DNM1: variants seen among roughly 807,000 people sequenced by gnomAD.
DNM1 encodes dynamin-1.
Under a neutral mutation model 104.6 loss-of-function variants are expected in DNM1, and 29 were observed. That is an observed-to-expected ratio of 0.28 (90% CI 0.21 to 0.38). The LOEUF is 0.38. DNM1 is among the 10% of genes least tolerant of loss of function. The pLI, the probability that DNM1 is intolerant of heterozygous loss-of-function variation, is 1.00. For synonymous variants in DNM1, 445 were observed against 475.8 expected (o/e 0.94, Z 0.84); for missense variants, 640 against 1,189.4 (o/e 0.54, Z 6.79).
chr9:128,214,370 T>G (rs760043077), intron 1 of DNM1, among the ~76,000 whole-genome samples: 70 of 152,282 alleles, frequency 4.6e-4, no homozygotes, highest in Non-Finnish European at 8.8e-4. Context: ...AGCTCCTACA[T>G]GACAGCTCAG....
At chr9:128,223,274 T>G in intron 9 of DNM1, 1 of 194,210 alleles carries the variant, frequency 5.1e-6, no homozygotes, top group Non-Finnish European at 1.1e-5. Context: ...CTCCACACCC[T>G]CCTGTATTCA....
chr9:128,254,542 C>G lies in DNM1; in HGVS notation c.2535-112C>G. 6.4e-7 allele frequency: 1 copy of G among 1,566,650 alleles called. No homozygotes were observed. Among genetic ancestry groups the G allele is most frequent in the Non-Finnish European group, 8.6e-7 (1 of 1,164,474 alleles). On this transcript the variant is annotated intron_variant, in intron 21 of 21. Transcript: ENST00000372923. The surrounding 1 kb of genome is among the most constrained non-coding windows in gnomAD (Gnocchi z 6.1). ...CACCTGCAGCCTCCCCTCCCCGGCC[C>G]TCCCACCACTGCTGCGGCGCGGCCG...
rs1251848857 is a variant in DNM1, at chr9:128,253,843, C to T, written c.2535-811C>T. On this transcript the variant is annotated intron_variant, in intron 21 of 21. Coordinates refer to ENST00000372923, the MANE Select transcript of DNM1 (RefSeq NM_004408.4). The surrounding 1 kb of genome is among the most constrained non-coding windows in gnomAD (Gnocchi z 5.9). The stretch of plus-strand genomic sequence containing the variant: ...GTGTCCCTGGCCCCAGCTGAAGCAC[C>T]GTAGCCAGCCAGCGGGCTCACGCAC... The T allele has an allele frequency of 1.0e-5, 11 of 1,090,796 alleles. No homozygotes were observed. Among genetic ancestry groups the T allele is most frequent in the South Asian group, 4.8e-5 (1 of 20,872 alleles). 67.6% of individuals were successfully genotyped at this position (1,090,796 alleles called of 1,614,324 possible). A position where few individuals can be genotyped will look rare whatever the true frequency, so the allele number is the denominator to read the frequency against.
At chr9:128,238,183 G>A (rs1836129412) in intron 11 of DNM1, among the ~76,000 whole-genome samples, 1 of 151,910 alleles carries the variant, frequency 6.6e-6, no homozygotes, top group Admixed American at 6.6e-5. Flanking sequence ...CAACACTTGT[G>A]TCATGCTGAT....
In DNM1 at chr9:128,220,742, C is replaced by CGCGCGCGCGCGTGTGTGTGT. The variant is rs61020870; in HGVS notation, c.849+402_849+403insCGCGCGCGCGTGTGTGTGTG. 2.2e-5 allele frequency among the ~76,000 whole-genome samples: 3 copies of CGCGCGCGCGCGTGTGTGTGT among 136,278 alleles called. No homozygotes were observed. Among genetic ancestry groups the CGCGCGCGCGCGTGTGTGTGT allele is most frequent in the African/African-American group, 8.0e-5 (3 of 37,720 alleles). 89.4% of individuals were successfully genotyped at this position (136,278 alleles called of 152,430 possible). The stretch of plus-strand genomic sequence containing the variant: ...CAGAACTGAAGTGCGCGCGCGCGCG[C>CGCGCGCGCGCGTGTGTGTGT]GTGTGTGTGTGTGTGTGTGTGTGTG... On this transcript the variant is annotated intron_variant, in intron 6 of 21. Transcript: ENST00000372923. This position sits in a 1 kb window ranked among gnomAD's most constrained non-coding sequence, Gnocchi z 5.2.
chr9:128,249,782 C>T (rs540387518), intron 19 of DNM1, among the ~76,000 whole-genome samples: 2 of 152,008 alleles, frequency 1.3e-5, no homozygotes, highest in South Asian at 4.2e-4. Context: ...GTGGTAATCT[C>T]CCCACTGTAC....
chr9:128,229,329 G>C (rs917424107), intron 10 of DNM1, among the ~76,000 whole-genome samples: 2 of 151,266 alleles, frequency 1.3e-5, no homozygotes, highest in Admixed American at 1.3e-4. Context: ...AAGGAGTTCA[G>C]TTGCACCACT....
intron 10 of DNM1, among the ~76,000 whole-genome samples, chr9:128,226,880 G>A (rs947337691): frequency 1.3e-5 from 2 of 152,106 alleles, no homozygotes; most frequent in African/African-American, 2.4e-5. Context: ...AGCTTCTCCA[G>A]CAGGCTAAAT....
In DNM1 at chr9:128,243,183, C is replaced by T. The variant is rs1836496541; in HGVS notation, c.1671+838C>T. Among the ~76,000 whole-genome samples the T allele has an allele frequency of 6.6e-6, 1 of 152,184 alleles. No individual in the cohort carries two copies. Among genetic ancestry groups the T allele is most frequent in the South Asian group, 2.1e-4 (1 of 4,830 alleles). On this transcript the variant is annotated intron_variant, in intron 15 of 21. Transcript: ENST00000372923. This position sits in a 1 kb window ranked among gnomAD's most constrained non-coding sequence, Gnocchi z 4.0. The stretch of plus-strand genomic sequence containing the variant: ...ACCCCTCCCCGCCCACTAGGGTGCA[C>T]AGAAGCCCCTGCCACCTCCTTCCCC...
Position 128,220,738 on chromosome 9 carries a change from C to T in DNM1, c.849+397C>T, listed in dbSNP as rs867755238. Among the ~76,000 whole-genome samples the T allele has an allele frequency of 4.5e-3, 432 of 96,398 alleles. 3 individuals carry two copies. The highest frequency in any genetic ancestry group is 0.025 in the African/African-American group (411 of 16,490). 63.2% of individuals were successfully genotyped at this position (96,398 alleles called of 152,430 possible). A position where few individuals can be genotyped will look rare whatever the true frequency, so the allele number is the denominator to read the frequency against. ...CATCCAGAACTGAAGTGCGCGCGCG[C>T]GCGCGTGTGTGTGTGTGTGTGTGTG... On this transcript the variant is annotated intron_variant, in intron 6 of 21. Coordinates refer to ENST00000372923, the MANE Select transcript of DNM1 (RefSeq NM_004408.4). This position sits in a 1 kb window ranked among gnomAD's most constrained non-coding sequence, Gnocchi z 5.2.
At chr9:128,219,397 G>T (rs1235216868) in intron 4 of DNM1, 145 bp downstream of exon 4, 5 of 741,322 alleles carry the variant, frequency 6.7e-6, no homozygotes, top group African/African-American at 1.8e-5. Context: ...GGTCAGGCAT[G>T]GTAGCTCATG....
chr9:128,206,954 T>TG (rs1024218938), intron 1 of DNM1, among the ~76,000 whole-genome samples: 1 of 150,630 alleles, frequency 6.6e-6, no homozygotes, highest in South Asian at 2.1e-4. Flanking sequence ...CAGGGGGTAG[T>TG]GGGGGGCCTG....
Position 128,222,585 on chromosome 9 carries a change from G to A in DNM1, c.1117G>A (p.Glu373Lys). 2 of 1,614,104 alleles carry A rather than the reference G, an allele frequency of 1.2e-6. No individual in the cohort carries two copies. Among genetic ancestry groups the A allele is most frequent in the Non-Finnish European group, 1.7e-6 (2 of 1,180,008 alleles). ...NRIFHERFPF[E>K]LVKMEFDEKE... The stretch of plus-strand genomic sequence containing the variant: ...AATCTTCCACGAGCGCTTCCCTTTC[G>A]AGCTGGTCAAGGTAGGTCAGGCAGC... The change falls in exon 8 of 22, where the codon GAG (glutamate) becomes AAG (lysine). Residue 373 changes from glutamate to lysine, a missense_variant. Physicochemically the swap from Glu to Lys is moderately conservative, Grantham distance 56. Transcript: ENST00000372923. The surrounding 1 kb of genome is among the most constrained non-coding windows in gnomAD (Gnocchi z 7.8).
At position 128,253,648 on chromosome 9, in the gene DNM1, A is replaced by T. The variant is rs1829666674; in HGVS notation, c.2535-1006A>T. 1 of 212,628 alleles carries T rather than the reference A, an allele frequency of 4.7e-6. No individual in the cohort carries two copies. 13.2% of individuals were successfully genotyped at this position (212,628 alleles called of 1,614,324 possible). On this transcript the variant is annotated intron_variant, in intron 21 of 21. Transcript: ENST00000372923. This position sits in a 1 kb window ranked among gnomAD's most constrained non-coding sequence, Gnocchi z 5.9. ...CCACCGTAGAGCAGGGGTGAGAGTC[A>T]GGGTCCCACCTCCTCTATCTGCCGG...
rs965505399 is a variant in DNM1 at position 128,220,859 on chromosome 9, G to A, written c.849+518G>A. Among the ~76,000 whole-genome samples, 3 of 148,486 alleles carry A rather than the reference G, an allele frequency of 2.0e-5. No homozygotes were observed. Among genetic ancestry groups the A allele is most frequent in the Non-Finnish European group, 3.0e-5 (2 of 66,468 alleles). On this transcript the variant is annotated intron_variant, in intron 6 of 21. Transcript: ENST00000372923. The surrounding 1 kb of genome is among the most constrained non-coding windows in gnomAD (Gnocchi z 5.2). ...TGAGACACTCTCTCTGGCTCTCTGAGCCTCTATTTCTTTTTTCTTTATTTG... is the reference window on the plus strand; with the variant it reads ...TGAGACACTCTCTCTGGCTCTCTGAACCTCTATTTCTTTTTTCTTTATTTG...
chr9:128,252,596 A>C (rs1021153521), intron 21 of DNM1: 19 of 391,790 alleles, frequency 4.8e-5, no homozygotes, highest in Non-Finnish European at 5.1e-6. Context: ...GGTGGGGCGC[A>C]AGGTGGAGAA....
intron 21 of DNM1, chr9:128,252,475 A>G: frequency 7.5e-6 from 3 of 398,902 alleles, no homozygotes; most frequent in African/African-American, 2.1e-5. Flanking sequence ...TCAGGAGGGT[A>G]TCTGGGCCAA....
chr9:128,232,378 C>A (rs1449381894), intron 10 of DNM1, among the ~76,000 whole-genome samples: 2 of 152,200 alleles, frequency 1.3e-5, no homozygotes, highest in African/African-American at 4.8e-5. Flanking sequence ...TGGTCTCAGA[C>A]TGCCCCTCCC....
At chr9:128,206,546 G>C (rs778362461) in intron 1 of DNM1, among the ~76,000 whole-genome samples, 21 of 152,094 alleles carry the variant, frequency 1.4e-4, no homozygotes, top group Non-Finnish European at 2.9e-4. Flanking sequence ...GAGTGGGGCT[G>C]CTCTCCCCAG....
Sources: gnomAD v4.1 joint callset for allele counts (sites outside exome capture counted in the v4.1 genomes callset) on GRCh38, gnomAD v4.1.1 for gene constraint, Gnocchi (gnomAD v3.1) non-coding constraint, MANE v1.5 for transcripts, NCBI Gene and HGNC (gene_info 2026-07-23, HGNC 2026-07-21) for gene names.